The following MLN variants were observed in gnomAD, a reference collection of about 807,000 sequenced individuals.
MLN encodes the protein promotilin.
In MLN, 14 loss-of-function variants were observed where a neutral mutation model predicts 13.3. The observed-to-expected ratio is 1.05, with a 90% CI of 0.69 to 1.64. The LOEUF is 1.64. Among genes scored for constraint, MLN ranks in the 40% most tolerant of loss-of-function variants. MLN has a pLI of 0.00. For synonymous variants in MLN, 59 were observed against 54.7 expected, an observed-to-expected ratio of 1.08 and a Z score of -0.34; for missense variants, 122 against 142.9, an observed-to-expected ratio of 0.85 and a Z score of 0.75.
At position 33,799,275 on chromosome 6, in the gene MLN, T is replaced by G; in HGVS notation, c.118-54A>C. 1 of 1,312,744 alleles carries G rather than the reference T, an allele frequency of 7.6e-7. No individual in the cohort carries two copies. Among genetic ancestry groups the G allele is most frequent in the Non-Finnish European group, 1.1e-6 (1 of 912,310 alleles). The allele number at this position is 1,312,744 out of a possible 1,614,324, so 81.3% of individuals were successfully genotyped here. ...ACCGCCCTCCCTCAACCCACGCTGATGGCCCCTTGCCTGTCTCCATCTGCC... is the reference window on the plus strand; with the variant it reads ...ACCGCCCTCCCTCAACCCACGCTGAGGGCCCCTTGCCTGTCTCCATCTGCC... On this transcript the variant is annotated intron_variant, in intron 2 of 4. Transcript: ENST00000430124. This position sits in a 1 kb window ranked among gnomAD's most constrained non-coding sequence, Gnocchi z 4.6.
chr6:33,794,723 G>A lies in MLN; in HGVS notation c.*102C>T. The A allele has an allele frequency of 7.1e-7, 1 of 1,402,532 alleles. No individual in the cohort carries two copies. Among genetic ancestry groups the A allele is most frequent in the Non-Finnish European group, 9.8e-7 (1 of 1,020,456 alleles). The allele number at this position is 1,402,532 out of a possible 1,614,324, so 86.9% of individuals were successfully genotyped here. A position where few individuals can be genotyped will look rare whatever the true frequency, so the allele number is the denominator to read the frequency against. ...GAGGGGAATTTGCTTTGGAAAGGGT[G>A]TTTTCCTTCCAAGCCCAGCTGGCAG... is the stretch of plus-strand genomic sequence containing the variant. On this transcript the variant is annotated 3_prime_UTR_variant, in exon 5 of 5. Coordinates refer to ENST00000430124, the MANE Select transcript of MLN (RefSeq NM_002418.3).
At chr6:33,795,769 T>C (rs891391824) in intron 3 of MLN, among the ~76,000 whole-genome samples, 164 bp from the exon 4 acceptor site, 21 of 151,960 alleles carry the variant, frequency 1.4e-4, no homozygotes, top group Admixed American at 6.6e-4. Context: ...CCCCTAATTC[T>C]AACCAGAGGG....
Position 33,799,048 on chromosome 6 carries a change from CAG to C in MLN, c.234+55_234+56del. 1 of 1,262,846 alleles carries C rather than the reference CAG, an allele frequency of 7.9e-7. No individual in the cohort carries two copies. Among genetic ancestry groups the C allele is most frequent in the Admixed American group, 1.8e-5 (1 of 55,994 alleles). The allele number at this position is 1,262,846 out of a possible 1,614,324, so 78.2% of individuals were successfully genotyped here. A position where few individuals can be genotyped will look rare whatever the true frequency, so the allele number is the denominator to read the frequency against. ...TTGTGGGCTCTGCCTCCAGGCCAGG[CAG>C]GGGAATGCATGCCCTGCTCTGAGTT... is the stretch of plus-strand genomic sequence containing the variant. On this transcript the variant is annotated intron_variant, in intron 3 of 4. Coordinates refer to ENST00000430124, the MANE Select transcript of MLN (RefSeq NM_002418.3). This position sits in a 1 kb window ranked among gnomAD's most constrained non-coding sequence, Gnocchi z 4.6.
intron 3 of MLN, among the ~76,000 whole-genome samples, chr6:33,796,122 G>T (rs1164020875): frequency 6.6e-6 from 1 of 152,024 alleles, no homozygotes; most frequent in Non-Finnish European, 1.5e-5. Context: ...ACCACGCCCG[G>T]CTAATTTTTT....
At position 33,799,142 on chromosome 6, in the gene MLN, GCAGGGTCTA is replaced by G; in HGVS notation, c.188_196del (p.Val63_Pro65del). The G allele has an allele frequency of 1.9e-6, 3 of 1,611,126 alleles. No homozygotes were observed. The highest frequency in any genetic ancestry group is 2.5e-6 in the Non-Finnish European group (3 of 1,177,874). ...GTTTTCTTCTTCCCTGATGGGCTCC[GCAGGGTCTA>G]CAGGACCTTCCTCCCCAGACCTCTG... On this transcript the variant is annotated inframe_deletion, in exon 3 of 5. Transcript: ENST00000430124. This position sits in a 1 kb window ranked among gnomAD's most constrained non-coding sequence, Gnocchi z 4.6.
intron 3 of MLN, among the ~76,000 whole-genome samples, chr6:33,795,857 T>A (rs897368169): frequency 6.6e-5 from 10 of 150,448 alleles, no homozygotes; most frequent in Non-Finnish European, 1.3e-4. Context: ...ACAGGAGGGG[T>A]GGGGTCAGCA....
chr6:33,794,863 G>C (rs1216948379), intron 4 of MLN, 28 bp from the exon 5 acceptor site: 1 of 1,613,330 alleles, frequency 6.2e-7, no homozygotes, highest in Admixed American at 1.7e-5. Flanking sequence ...TTTGCGCTCA[G>C]TACCATCATC....
intron 2 of MLN, 25 bp downstream of exon 2, chr6:33,801,022 A>G: frequency 1.3e-6 from 2 of 1,547,928 alleles, no homozygotes; most frequent in Non-Finnish European, 1.8e-6. Context: ...CCTTGCTAGC[A>G]GGGCAGGCAG....
rs564541076 is a variant in MLN, at chr6:33,803,662, G to C, written c.-8+291C>G. Among the ~76,000 whole-genome samples, 150 of 152,336 alleles carry C rather than the reference G, an allele frequency of 9.8e-4. 3 individuals are homozygous for C. The South Asian group carries it at 0.014, about 15-fold the overall frequency. On this transcript the variant is annotated intron_variant, in intron 1 of 4. Coordinates refer to ENST00000430124, the MANE Select transcript of MLN (RefSeq NM_002418.3). The surrounding 1 kb of genome is among the most constrained non-coding windows in gnomAD (Gnocchi z 4.5). ...ATGCCAAGAGGGGCCCTGCGCCCAT[G>C]ATGAGCTCTGGCTTGGGTTCCCGGC...
intron 4 of MLN, among the ~76,000 whole-genome samples, chr6:33,795,194 G>A (rs1767884255): frequency 6.6e-6 from 1 of 152,198 alleles, no homozygotes; most frequent in Admixed American, 6.5e-5. Context: ...GAATGAATGG[G>A]GGAAGGGAAA....
At chr6:33,796,126 A>G (rs1391273437) in intron 3 of MLN, among the ~76,000 whole-genome samples, 1 of 151,918 alleles carries the variant, frequency 6.6e-6, no homozygotes, top group African/African-American at 2.4e-5. Context: ...CGCCCGGCTA[A>G]TTTTTTGTAT....
Position 33,799,286 on chromosome 6 carries a change from C to T in MLN, c.118-65G>A. 8.8e-7 allele frequency: 1 copy of T among 1,130,100 alleles called. No individual in the cohort carries two copies. The highest frequency in any genetic ancestry group is 1.3e-6 in the Non-Finnish European group (1 of 753,270). The allele number at this position is 1,130,100 out of a possible 1,614,324, so 70.0% of individuals were successfully genotyped here. A position where few individuals can be genotyped will look rare whatever the true frequency, so the allele number is the denominator to read the frequency against. ...TCAACCCACGCTGATGGCCCCTTGC[C>T]TGTCTCCATCTGCCCAGGGTGCTGT... On this transcript the variant is annotated intron_variant, in intron 2 of 4. Coordinates refer to ENST00000430124, the MANE Select transcript of MLN (RefSeq NM_002418.3). This position sits in a 1 kb window ranked among gnomAD's most constrained non-coding sequence, Gnocchi z 4.6.
At position 33,801,795 on chromosome 6, in the gene MLN, C is replaced by T. The variant is rs149598725; in HGVS notation, c.-7-625G>A. On this transcript the variant is annotated intron_variant, in intron 1 of 4. Transcript: ENST00000430124. ...AGCGATGGCTTGGGAACAAGCCCCC[C>T]GCCCCGTGCTCCAGTGCATCTAGCT... Among the ~76,000 whole-genome samples the T allele has an allele frequency of 6.7e-3, 1,025 of 152,368 alleles. 11 individuals carry two copies. Among genetic ancestry groups the T allele is most frequent in the African/African-American group, 0.023 (938 of 41,584 alleles).
Position 33,794,828 on chromosome 6 carries a change from C to G in MLN, c.345G>C (p.Lys115Asn). 6.2e-7 allele frequency: 1 copy of G among 1,613,550 alleles called. No individual in the cohort carries two copies. Among genetic ancestry groups the G allele is most frequent in the Non-Finnish European group, 8.5e-7 (1 of 1,179,742 alleles). ...CACCTTCTCCCCAGCGTGGCCATCA[C>G]TTGGCTGCTGGAGAAAAGCAGAGGT... ...LSEMLPQHAA[K>N] The change falls in exon 5 of 5, where the codon AAG (lysine) becomes AAC (asparagine). Residue 115 changes from lysine to asparagine, a missense_variant. Coordinates refer to ENST00000430124, the MANE Select transcript of MLN (RefSeq NM_002418.3).
In MLN at chr6:33,794,811, C is replaced by G; in HGVS notation, c.*14G>C. The G allele has an allele frequency of 6.2e-7, 1 of 1,613,708 alleles. No homozygotes were observed. Among genetic ancestry groups the G allele is most frequent in the Non-Finnish European group, 8.5e-7 (1 of 1,179,786 alleles). On this transcript the variant is annotated 3_prime_UTR_variant, in exon 5 of 5. Transcript: ENST00000430124. Reference sequence around the variant, plus strand: ...GGCCTCCCAAATCTGTCCACCTTCTCCCCAGCGTGGCCATCACTTGGCTGC... The same window carrying G: ...GGCCTCCCAAATCTGTCCACCTTCTGCCCAGCGTGGCCATCACTTGGCTGC...
chr6:33,799,148 T>C lies in MLN; in HGVS notation c.191A>G (p.Asp64Gly), dbSNP rs1582276399. ...WQRSGEEGPVDPAEPIREEEN... is the reference protein window; with the variant it reads ...WQRSGEEGPVGPAEPIREEEN... ...TTCTTCCCTGATGGGCTCCGCAGGG[T>C]CTACAGGACCTTCCTCCCCAGACCT... Residue 64 changes from aspartate to glycine, a missense_variant, in exon 3 of 5, where the codon GAC becomes GGC. Transcript: ENST00000430124. The surrounding 1 kb of genome is among the most constrained non-coding windows in gnomAD (Gnocchi z 4.6). The C allele has an allele frequency of 6.2e-7, 1 of 1,612,472 alleles. No individual in the cohort carries two copies. Among genetic ancestry groups the C allele is most frequent in the East Asian group, 2.2e-5 (1 of 44,840 alleles).
Position 33,795,543 on chromosome 6 carries a change from G to T in MLN, c.297C>A (p.Ala99=). Reference sequence around the variant, plus strand: ...TCTCACTCAGCAGCCCTTCCAGGGTGGCCGGGTACTTTTCCAGCTGTCTGG... The same window carrying T: ...TCTCACTCAGCAGCCCTTCCAGGGTTGCCGGGTACTTTTCCAGCTGTCTGG... ...MNSRQLEKYP[A]TLEGLLSEML... Residue 99 remains alanine, a synonymous_variant, in exon 4 of 5, where the codon GCC becomes GCA. Transcript: ENST00000430124. 1 of 1,567,282 alleles carries T rather than the reference G, an allele frequency of 6.4e-7. No individual in the cohort carries two copies. The highest frequency in any genetic ancestry group is 8.7e-7 in the Non-Finnish European group (1 of 1,154,482).
At chr6:33,798,745 G>A (rs1022280609) in intron 3 of MLN, among the ~76,000 whole-genome samples, 9 of 152,204 alleles carry the variant, frequency 5.9e-5, no homozygotes, top group African/African-American at 1.2e-4. Context: ...TCCTTCTCCC[G>A]GGAGGCCCTT....
In MLN at chr6:33,803,382, A is replaced by G. The variant is rs940099116; in HGVS notation, c.-8+571T>C. Among the ~76,000 whole-genome samples, 4 of 144,686 alleles carry G rather than the reference A, an allele frequency of 2.8e-5. No individual in the cohort carries two copies. Among genetic ancestry groups the G allele is most frequent in the African/African-American group, 1.0e-4 (4 of 38,796 alleles). 94.9% of individuals were successfully genotyped at this position (144,686 alleles called of 152,430 possible). On this transcript the variant is annotated intron_variant, in intron 1 of 4. Transcript: ENST00000430124. The surrounding 1 kb of genome is among the most constrained non-coding windows in gnomAD (Gnocchi z 4.5). ...GAGTGCAGTGGCGCGATCTCGGCTC[A>G]CTGCAACCTCTGCCTCCCAGGTTCA...
Sources: gnomAD v4.1 joint callset for allele counts (sites outside exome capture counted in the v4.1 genomes callset) on GRCh38, gnomAD v4.1.1 for gene constraint, Gnocchi (gnomAD v3.1) non-coding constraint, MANE v1.5 for transcripts, NCBI Gene and HGNC (gene_info 2026-07-23, HGNC 2026-07-21) for gene names.